Variants in KLHL13 observed in about 807,000 individuals in gnomAD.
KLHL13 encodes the protein kelch like family member 13, also known as kelch-like protein 13.
In KLHL13, 10 loss-of-function variants were observed where a neutral mutation model predicts 37.1. The ratio of observed to expected loss-of-function variants is 0.27; its 90% confidence interval spans 0.17 to 0.46. KLHL13 has a LOEUF of 0.46. KLHL13 is among the 20% of genes least tolerant of loss of function. KLHL13 has a pLI of 1.00. For synonymous variants in KLHL13, 163 were observed against 181.2 expected, an observed-to-expected ratio of 0.90 and a Z score of 0.81; for missense variants, 360 against 509.3, an observed-to-expected ratio of 0.71 and a Z score of 2.82.
At chrX:118,090,127 T>A (rs1270935251) in intron 1 of KLHL13, among the ~76,000 whole-genome samples, 1 of 104,662 alleles carries the variant, frequency 9.6e-6, no homozygotes, top group Admixed American at 1.0e-4. Context: ...CACCTTATAC[T>A]AAAATTAATT....
At chrX:118,070,720 TTTTC>T (rs1238177680) in intron 1 of KLHL13, among the ~76,000 whole-genome samples, 1 of 107,570 alleles carries the variant, frequency 9.3e-6, no homozygotes, top group South Asian at 3.8e-4. Flanking sequence ...AGATTTGTCA[TTTTC>T]TTTTTTTTAA....
intron 1 of KLHL13, among the ~76,000 whole-genome samples, chrX:117,981,318 C>A (rs1013123160): frequency 4.5e-5 from 5 of 111,928 alleles, no homozygotes; most frequent in Non-Finnish European, 9.4e-5. Context: ...GAAATCATTT[C>A]TTTTCCTTTA....
At chrX:117,978,844 TA>T (rs367558367) in intron 1 of KLHL13, among the ~76,000 whole-genome samples, 10,255 of 102,957 alleles carry the variant, frequency 0.1, 595 homozygotes, top group African/African-American at 0.19. Flanking sequence ...CCCATCTGTT[TA>T]AAAAAAAAAA....
chrX:118,082,922 G>A (rs1349580280), intron 1 of KLHL13, among the ~76,000 whole-genome samples: 1 of 111,125 alleles, frequency 9.0e-6, no homozygotes, highest in Non-Finnish European at 1.9e-5. Flanking sequence ...ATGTGTATTT[G>A]TTTCTAGGTT....
intron 1 of KLHL13, among the ~76,000 whole-genome samples, chrX:117,999,180 A>G (rs961850804): frequency 2.7e-5 from 3 of 111,381 alleles, no homozygotes; most frequent in African/African-American, 9.8e-5. Context: ...TGACCCAGCC[A>G]TCCCATTATT....
At chrX:118,087,406 C>T (rs1050498684) in intron 1 of KLHL13, among the ~76,000 whole-genome samples, 2 of 109,104 alleles carry the variant, frequency 1.8e-5, no homozygotes, top group Non-Finnish European at 1.9e-5. Context: ...TATATATACA[C>T]ATATATATAT....
intron 1 of KLHL13, among the ~76,000 whole-genome samples, chrX:118,029,984 A>G (rs762346650): frequency 3.0e-4 from 33 of 110,573 alleles, no homozygotes; most frequent in Non-Finnish European, 3.2e-4. Flanking sequence ...TAATAATAAT[A>G]AAAGAAAAGA....
At chrX:117,964,362 T>G (rs1158298313) in intron 1 of KLHL13, among the ~76,000 whole-genome samples, 1 of 112,126 alleles carries the variant, frequency 8.9e-6, no homozygotes, top group Non-Finnish European at 1.9e-5. Flanking sequence ...AGCAAGAATT[T>G]ATTTAACCTG....
intron 1 of KLHL13, among the ~76,000 whole-genome samples, chrX:118,094,875 G>C (rs1274940373): frequency 8.1e-5 from 9 of 111,306 alleles, no homozygotes; most frequent in East Asian, 5.6e-4. Context: ...TGCCCTAAAA[G>C]AGCTCCTGAA....
intron 1 of KLHL13, among the ~76,000 whole-genome samples, chrX:118,087,416 T>A (rs2055067283): frequency 9.1e-6 from 1 of 109,898 alleles, no homozygotes; most frequent in Non-Finnish European, 1.9e-5. Flanking sequence ...CATATATATA[T>A]CTTCTGTGAG....
chrX:117,947,467 T>C (rs1933378324), intron 1 of KLHL13: 1 of 111,751 alleles, frequency 8.9e-6, no homozygotes, highest in African/African-American at 3.2e-5. Context: ...GGGATAGGAG[T>C]AAAGCTGAAT....
intron 1 of KLHL13, among the ~76,000 whole-genome samples, chrX:118,083,260 C>G (rs1012865785): frequency 9.0e-6 from 1 of 111,399 alleles, no homozygotes; most frequent in African/African-American, 3.3e-5. Flanking sequence ...ATATATGTAT[C>G]TATCATCATA....
chrX:117,996,922 T>C (rs770949341), intron 1 of KLHL13, among the ~76,000 whole-genome samples: 2 of 111,021 alleles, frequency 1.8e-5, no homozygotes, highest in Admixed American at 9.6e-5. Context: ...AGATAAAGTA[T>C]GGATTCATCA....
intron 1 of KLHL13, among the ~76,000 whole-genome samples, chrX:118,105,407 C>A (rs1298568488): frequency 8.9e-6 from 1 of 112,497 alleles, no homozygotes; most frequent in Non-Finnish European, 1.9e-5. Flanking sequence ...TAACCACAGG[C>A]AAGTTATCCA....
intron 1 of KLHL13, among the ~76,000 whole-genome samples, chrX:118,080,522 C>T (rs1412842651): frequency 9.0e-6 from 1 of 111,597 alleles, no homozygotes; most frequent in African/African-American, 3.3e-5. Flanking sequence ...ATGCTCATCA[C>T]TAATCATCAG....
intron 5 of KLHL13, among the ~76,000 whole-genome samples, chrX:117,902,825 C>T (rs189629431): frequency 8.1e-5 from 9 of 111,023 alleles, no homozygotes; most frequent in South Asian, 3.9e-4. Flanking sequence ...ATTGCAGACA[C>T]TGCCAACTGC....
chrX:118,017,410 A>G (rs184424498), intron 1 of KLHL13, among the ~76,000 whole-genome samples: 1,558 of 111,820 alleles, frequency 0.014, 28 homozygotes, highest in African/African-American at 0.048. Flanking sequence ...TTGAAAGCGA[A>G]AAGGCAACAT....
At chrX:117,999,485 T>C (rs1230351694) in intron 1 of KLHL13, among the ~76,000 whole-genome samples, 1 of 109,911 alleles carries the variant, frequency 9.1e-6, no homozygotes, top group Admixed American at 9.8e-5. Flanking sequence ...TAGGTGGGAA[T>C]TGAACAATGA....
At chrX:117,930,242 G>GGAAGGAAGGA (rs1932345542) in intron 2 of KLHL13, among the ~76,000 whole-genome samples, 7 of 63,022 alleles carry the variant, frequency 1.1e-4, no homozygotes, top group African/African-American at 4.7e-4. Flanking sequence ...GGAAGGAAGG[G>GGAAGGAAGGA]AGGAAGGAAG....
Sources: allele counts gnomAD v4.1 joint callset (sites outside exome capture counted in the v4.1 genomes callset), GRCh38; gene constraint gnomAD v4.1.1; transcripts MANE v1.5; gene names NCBI Gene and HGNC (gene_info 2026-07-23, HGNC 2026-07-21).